The following ZNF605 variants were observed in gnomAD, a reference collection of about 807,000 sequenced individuals.
ZNF605 encodes the protein zinc finger protein 605.
A neutral mutation model predicts 7.9 loss-of-function variants in ZNF605; 9 were observed. The observed-to-expected ratio is 1.14, with a 90% confidence interval of 0.68 to 1.98. The LOEUF is 1.98. Among genes scored for constraint, ZNF605 ranks in the 30% most tolerant of loss-of-function variants. The probability of loss-of-function intolerance (pLI) is 0.00; values close to 1 mark genes in which losing one functional copy is unlikely to be tolerated. For missense variants in ZNF605, 673 were observed against 762.4 expected (o/e 0.88, Z 1.38); for synonymous variants, 255 against 260.1 (o/e 0.98, Z 0.19).
chr12:132,937,374 A>G (rs1952378688), intron 3 of ZNF605, among the ~76,000 whole-genome samples: 1 of 151,808 alleles, frequency 6.6e-6, no homozygotes, highest in Admixed American at 6.6e-5. Context: ...AAAAAAAAAA[A>G]AAAAAAGAAA....
At position 132,938,685 on chromosome 12, in the gene ZNF605, T is replaced by A. The variant is rs1459384763; in HGVS notation, c.16-5530A>T. Among the ~76,000 whole-genome samples the A allele has an allele frequency of 6.6e-5, 10 of 152,260 alleles. No homozygotes were observed. The East Asian group carries it at 1.5e-3, about 24-fold the overall frequency. On this transcript the variant is annotated intron_variant, in intron 3 of 4. Transcript: ENST00000360187. ...GGAGCCCTTCAGTCCCCCACTGCAC[T>A]GTGGGAGCCCCTTTCTGGGCTGGCC...
At chr12:132,942,558 G>A (rs542779672) in intron 3 of ZNF605, among the ~76,000 whole-genome samples, 1 of 152,232 alleles carries the variant, frequency 6.6e-6, no homozygotes, top group African/African-American at 2.4e-5. Flanking sequence ...CTGGACAGAG[G>A]CCCGACGATG....
At chr12:132,937,608 C>G (rs1952382163) in intron 3 of ZNF605, among the ~76,000 whole-genome samples, 1 of 152,052 alleles carries the variant, frequency 6.6e-6, no homozygotes, top group Non-Finnish European at 1.5e-5. Flanking sequence ...GTAAAATGTA[C>G]AGCAGCTTTT....
rs1952182501 is a variant in ZNF605 at position 132,919,262 on chromosome 12, C to T, written c.*6111G>A. ...ATTATTTTTGTGGAGAACAAAGTGC[C>T]ACTATGTTGCCCAGGCTGGCCTCAA... On this transcript the variant is annotated 3_prime_UTR_variant, in exon 5 of 5. Coordinates refer to ENST00000360187, the MANE Select transcript of ZNF605 (RefSeq NM_183238.4). 6.6e-6 allele frequency: 1 copy of T among 151,958 alleles called. No individual in the cohort carries two copies. Among genetic ancestry groups the T allele is most frequent in the Non-Finnish European group, 1.5e-5 (1 of 68,022 alleles). The allele number at this position is 151,958 out of a possible 1,614,324, so 9.4% of individuals were successfully genotyped here. A position where few individuals can be genotyped will look rare whatever the true frequency, so the allele number is the denominator to read the frequency against.
At position 132,953,710 on chromosome 12, in the gene ZNF605, C is replaced by T. The variant is rs12426676; in HGVS notation, c.-286+2533G>A. Among the ~76,000 whole-genome samples the T allele has an allele frequency of 6.2e-3, 949 of 152,130 alleles. 35 individuals are homozygous for T. Among genetic ancestry groups the T allele is most frequent in the Admixed American group, 0.051 (781 of 15,242 alleles). The stretch of plus-strand genomic sequence containing the variant: ...AAAGTGCTGGGATTACAGGTGTGAG[C>T]CACGGTGCCCAGCTAAGGCCACTAA... On this transcript the variant is annotated intron_variant, in intron 1 of 4. Coordinates refer to ENST00000360187, the MANE Select transcript of ZNF605 (RefSeq NM_183238.4).
chr12:132,926,383 C>A lies in ZNF605; in HGVS notation c.916G>T (p.Glu306Ter), dbSNP rs1952247942. ...CAGTGACTACATGGATAGGGTTTCT[C>A]TCCTGTGTGCGCTCTCTGATGTGTG... ...LITHQRAHTG[E>*]KPYPCSHCGK... The change falls in exon 5 of 5, where the codon GAG becomes TAG. Residue 306 changes from glutamate (E) to a stop codon, truncating the protein, a stop_gained. Coordinates refer to ENST00000360187, the MANE Select transcript of ZNF605 (RefSeq NM_183238.4). LOFTEE classifies it low-confidence loss of function (END_TRUNC). The A allele has an allele frequency of 6.2e-7, 1 of 1,614,076 alleles. No homozygotes were observed. Among genetic ancestry groups the A allele is most frequent in the Non-Finnish European group, 8.5e-7 (1 of 1,180,038 alleles).
At chr12:132,931,357 ATC>A (rs1294491075) in intron 4 of ZNF605, among the ~76,000 whole-genome samples, 6 of 152,140 alleles carry the variant, frequency 3.9e-5, no homozygotes, top group African/African-American at 1.4e-4. Context: ...GTTACTGGCA[ATC>A]TCTCTTTATG....
In ZNF605 at chr12:132,919,138, TAA is replaced by T. The variant is rs1457667401; in HGVS notation, c.*6233_*6234del. ...TCACATGAGCACGCACTAATGAAAA[TAA>T]AAAGTTAATTCACTTCTCCCACCCC... On this transcript the variant is annotated 3_prime_UTR_variant, in exon 5 of 5. Coordinates refer to ENST00000360187, the MANE Select transcript of ZNF605 (RefSeq NM_183238.4). The T allele has an allele frequency of 6.6e-6, 1 of 152,166 alleles. No individual in the cohort carries two copies. The highest frequency in any genetic ancestry group is 1.9e-4 in the East Asian group (1 of 5,184). 9.4% of individuals were successfully genotyped at this position (152,166 alleles called of 1,614,324 possible).
At chr12:132,945,314 C>A (rs2137155449) in intron 3 of ZNF605, 2 of 1,011,446 alleles carry the variant, frequency 2.0e-6, no homozygotes, top group Middle Eastern at 3.2e-4. Context: ...TGGACATCTT[C>A]TTTCCCAAGT....
Position 132,923,371 on chromosome 12 carries a change from C to G in ZNF605, c.*2002G>C, listed in dbSNP as rs1307077072. Reference sequence around the variant, plus strand: ...CCTTTAATGTTTCCCAAAGACAGGTCTACAGGTAATAAAATTACCTTTGAT... The same window carrying G: ...CCTTTAATGTTTCCCAAAGACAGGTGTACAGGTAATAAAATTACCTTTGAT... On this transcript the variant is annotated 3_prime_UTR_variant, in exon 5 of 5. Transcript: ENST00000360187. 6.6e-6 allele frequency: 1 copy of G among 152,172 alleles called. No homozygotes were observed. The highest frequency in any genetic ancestry group is 3.2e-3 in the Middle Eastern group (1 of 316). The allele number at this position is 152,172 out of a possible 1,614,324, so 9.4% of individuals were successfully genotyped here.
chr12:132,956,044 C>T (rs12227103), intron 1 of ZNF605, among the ~76,000 whole-genome samples, 199 bp downstream of exon 1: 27,979 of 133,490 alleles, frequency 0.21, 4,671 homozygotes, highest in East Asian at 0.54. Flanking sequence ...CCCCAGAGCC[C>T]CCGCCTGAGG....
At chr12:132,932,090 A>AATT (rs1399553766) in intron 4 of ZNF605, among the ~76,000 whole-genome samples, 1 of 152,080 alleles carries the variant, frequency 6.6e-6, no homozygotes, top group Non-Finnish European at 1.5e-5. Flanking sequence ...TATTTGGCTG[A>AATT]ATTATTATTA....
At chr12:132,942,624 G>A (rs1952454882) in intron 3 of ZNF605, among the ~76,000 whole-genome samples, 1 of 152,184 alleles carries the variant, frequency 6.6e-6, no homozygotes, top group African/African-American at 2.4e-5. Flanking sequence ...GTGCCCGGCT[G>A]GGGCACCTGA....
At chr12:132,955,005 CAG>C (rs1218439615) in intron 1 of ZNF605, among the ~76,000 whole-genome samples, 26 of 152,236 alleles carry the variant, frequency 1.7e-4, no homozygotes, top group African/African-American at 5.5e-4. Context: ...CTATTGGAGA[CAG>C]GGGTTGAAAG....
At chr12:132,945,112 C>T (rs1056944074) in intron 3 of ZNF605, 50 of 361,036 alleles carry the variant, frequency 1.4e-4, no homozygotes, top group Middle Eastern at 9.1e-4. Context: ...CTCAGCCTCC[C>T]GAGTAGCTGG....
At chr12:132,935,181 A>G (rs1952351601) in intron 3 of ZNF605, among the ~76,000 whole-genome samples, 1 of 152,196 alleles carries the variant, frequency 6.6e-6, no homozygotes, top group Non-Finnish European at 1.5e-5. Context: ...GCTACAAGGG[A>G]CACAGGAAAA....
At chr12:132,952,085 C>A (rs1952578993) in intron 1 of ZNF605, among the ~76,000 whole-genome samples, 1 of 152,092 alleles carries the variant, frequency 6.6e-6, no homozygotes, top group Non-Finnish European at 1.5e-5. Flanking sequence ...GACCACTCAA[C>A]AAGATGTACG....
chr12:132,925,643 T>G lies in ZNF605; in HGVS notation c.1656A>C (p.Gln552His). The G allele has an allele frequency of 6.2e-7, 1 of 1,614,042 alleles. No homozygotes were observed. Among genetic ancestry groups the G allele is most frequent in the Non-Finnish European group, 8.5e-7 (1 of 1,179,996 alleles). The change falls in exon 5 of 5, where the codon CAA becomes CAC. Residue 552 changes from glutamine (Q) to histidine (H), a missense_variant. Transcript: ENST00000360187. ...FVQKVQLIKH[Q>H]RNHTGEKTYG... ...AGGTTTTCTCTCCTGTGTGATTTCTTTGATGCTTAATGAGCTGCACTTTCT... is the reference window on the plus strand; with the variant it reads ...AGGTTTTCTCTCCTGTGTGATTTCTGTGATGCTTAATGAGCTGCACTTTCT...
intron 3 of ZNF605, among the ~76,000 whole-genome samples, chr12:132,939,283 C>A (rs1952406006): frequency 6.6e-6 from 1 of 152,168 alleles, no homozygotes; most frequent in Non-Finnish European, 1.5e-5. Context: ...CCAATCAGCA[C>A]CCTGTGTTTA....
Sources: allele counts gnomAD v4.1 joint callset (sites outside exome capture counted in the v4.1 genomes callset), GRCh38; gene constraint gnomAD v4.1.1; transcripts MANE v1.5; gene names NCBI Gene and HGNC (gene_info 2026-07-23, HGNC 2026-07-21).